The following IFT81 variants were observed in gnomAD, a reference collection of about 807,000 sequenced individuals.
The protein encoded by IFT81 is intraflagellar transport protein 81 homolog.
In IFT81, 72 loss-of-function variants were observed where a neutral mutation model predicts 102.6. The observed-to-expected ratio is 0.70, with a 90% CI of 0.58 to 0.85. The LOEUF (loss-of-function observed/expected upper bound fraction) is 0.85, where lower values mean the gene tolerates loss of function less well. Ranked by LOEUF, IFT81 falls within the 40% of genes least tolerant of loss-of-function variation. IFT81 has a pLI of 0.00. For synonymous variants in IFT81, 237 were observed against 242.7 expected (o/e 0.98, Z 0.22); for missense variants, 723 against 787.3 (o/e 0.92, Z 0.98).
intron 14 of IFT81, among the ~76,000 whole-genome samples, chr12:110,202,457 C>CTTTTTTTT (rs1472257322): frequency 6.9e-6 from 1 of 144,334 alleles, no homozygotes; most frequent in African/African-American, 2.5e-5. Flanking sequence ...GTGATTCCAC[C>CTTTTTTTT]TTTTTTTTTT....
intron 8 of IFT81, among the ~76,000 whole-genome samples, chr12:110,139,857 A>AAATAAAAT (rs1894770974): frequency 7.9e-6 from 1 of 127,096 alleles, no homozygotes; most frequent in African/African-American, 3.1e-5. Flanking sequence ...TAAATAAAAT[A>AAATAAAAT]AAATAAAATA....
intron 11 of IFT81, among the ~76,000 whole-genome samples, chr12:110,164,759 T>A (rs1249282959): frequency 6.6e-6 from 1 of 152,178 alleles, no homozygotes; most frequent in East Asian, 1.9e-4. Context: ...GTTTAAGACA[T>A]GGGAGTGTTT....
intron 10 of IFT81, among the ~76,000 whole-genome samples, chr12:110,160,075 C>T (rs935057700): frequency 9.2e-5 from 14 of 152,258 alleles, no homozygotes; most frequent in African/African-American, 2.4e-4. Flanking sequence ...CCTCCTCAAA[C>T]GGTTTCGAAA....
At chr12:110,209,339 C>A in intron 18 of IFT81, 123 bp downstream of exon 18, 1 of 426,210 alleles carries the variant, frequency 2.3e-6, no homozygotes, top group South Asian at 9.0e-5. Flanking sequence ...GGAAATTGTT[C>A]ATTCATTTTA....
intron 8 of IFT81, among the ~76,000 whole-genome samples, chr12:110,140,276 A>C (rs1403707954): frequency 6.6e-6 from 1 of 152,178 alleles, no homozygotes; most frequent in South Asian, 2.1e-4. Flanking sequence ...CTTTCCTCCC[A>C]TGCCCTAAAG....
At position 110,136,786 on chromosome 12, in the gene IFT81, C is replaced by T; in HGVS notation, c.707C>T (p.Ala236Val). The T allele has an allele frequency of 6.2e-7, 1 of 1,603,316 alleles. No homozygotes were observed. Residue 236 changes from alanine to valine, a missense_variant, in exon 8 of 19, where the codon GCA becomes GTA. Coordinates refer to ENST00000242591, the MANE Select transcript of IFT81 (RefSeq NM_014055.4). Reference sequence around the variant, plus strand: ...AATTGTATTTTAAAGCTATTTCATGCAGTGCAAAGATTGCAAAGAGTACAA... The same window carrying T: ...AATTGTATTTTAAAGCTATTTCATGTAGTGCAAAGATTGCAAAGAGTACAA... ...KQEQKNQLFH[A>V]VQRLQRVQNQ...
intron 14 of IFT81, among the ~76,000 whole-genome samples, chr12:110,194,100 CT>C (rs1211220424): frequency 6.6e-6 from 1 of 152,156 alleles, no homozygotes; most frequent in Non-Finnish European, 1.5e-5. Context: ...AACTCACTCA[CT>C]ATCATGAAAA....
chr12:110,195,801 G>A (rs557884486), intron 14 of IFT81, among the ~76,000 whole-genome samples: 1 of 152,146 alleles, frequency 6.6e-6, no homozygotes, highest in Non-Finnish European at 1.5e-5. Context: ...ATGAGTTCTT[G>A]CATGTTCTAG....
intron 17 of IFT81, among the ~76,000 whole-genome samples, chr12:110,206,487 T>C (rs1868639415): frequency 6.6e-6 from 1 of 152,042 alleles, no homozygotes; most frequent in African/African-American, 2.4e-5. Flanking sequence ...CTAGATTGCA[T>C]TGAGATTTTG....
At chr12:110,156,127 C>T (rs1475674941) in intron 10 of IFT81, among the ~76,000 whole-genome samples, 4 of 152,122 alleles carry the variant, frequency 2.6e-5, no homozygotes, top group African/African-American at 7.2e-5. Context: ...ATGTGTTAAT[C>T]TCTTAAATTA....
intron 5 of IFT81, among the ~76,000 whole-genome samples, chr12:110,133,172 A>G (rs1426983725): frequency 1.3e-5 from 2 of 151,778 alleles, no homozygotes; most frequent in African/African-American, 2.4e-5. Context: ...GGATTTTGCC[A>G]TGTTGCCCGG....
chr12:110,216,096 A>G (rs1287287431), intron 18 of IFT81, among the ~76,000 whole-genome samples: 2 of 152,222 alleles, frequency 1.3e-5, no homozygotes, highest in African/African-American at 4.8e-5. Flanking sequence ...AAGTATTTCA[A>G]TATCTATTAT....
chr12:110,167,211 G>A (rs1896484712), intron 11 of IFT81, among the ~76,000 whole-genome samples: 1 of 151,942 alleles, frequency 6.6e-6, no homozygotes, highest in Non-Finnish European at 1.5e-5. Context: ...AGTAAAAGAC[G>A]AAGTTTCTGG....
rs146961941 is a variant in IFT81, at chr12:110,144,302, C to T, written c.945+757C>T. Among the ~76,000 whole-genome samples the T allele has an allele frequency of 9.1e-3, 1,372 of 151,098 alleles. 29 individuals carry two copies. Among genetic ancestry groups the T allele is most frequent in the African/African-American group, 0.032 (1,316 of 41,124 alleles). On this transcript the variant is annotated intron_variant, in intron 9 of 18. Coordinates refer to ENST00000242591, the MANE Select transcript of IFT81 (RefSeq NM_014055.4). Reference sequence around the variant, plus strand: ...CGTGATCTCGGCTCACTACAACCTCCGCTTCCCGAGTTCAAGCGATTCTCC... The same window carrying T: ...CGTGATCTCGGCTCACTACAACCTCTGCTTCCCGAGTTCAAGCGATTCTCC...
chr12:110,179,773 TACACACACACACAC>T (rs34207126), intron 11 of IFT81, among the ~76,000 whole-genome samples: 3 of 50,492 alleles, frequency 5.9e-5, no homozygotes, highest in Non-Finnish European at 1.2e-4. Context: ...TATATATATA[TACACACACACACAC>T]ACACACACAC....
rs1055804567 is a variant in IFT81 at position 110,214,017 on chromosome 12, C to T, written c.1849-4027C>T. Among the ~76,000 whole-genome samples the T allele has an allele frequency of 2.0e-5, 3 of 152,042 alleles. No homozygotes were observed. The East Asian group carries it at 5.8e-4, about 29-fold the overall frequency. ...CACCTGTGATTTGTGAATAAATGACCATTATATCAAAGAAAATAAATAAAA... is the reference window on the plus strand; with the variant it reads ...CACCTGTGATTTGTGAATAAATGACTATTATATCAAAGAAAATAAATAAAA... On this transcript the variant is annotated intron_variant, in intron 18 of 18. Transcript: ENST00000242591.
chr12:110,188,852 C>T (rs971610917), intron 12 of IFT81, among the ~76,000 whole-genome samples: 1 of 151,952 alleles, frequency 6.6e-6, no homozygotes, highest in Non-Finnish European at 1.5e-5. Flanking sequence ...TCGCTTGAAC[C>T]CGGGAGTCGG....
chr12:110,202,975 A>G (rs1273360903), intron 14 of IFT81, among the ~76,000 whole-genome samples: 1 of 152,128 alleles, frequency 6.6e-6, no homozygotes, highest in East Asian at 1.9e-4. Context: ...CCAGAAATAA[A>G]CCAGCATAGG....
At chr12:110,176,097 C>T (rs1445132847) in intron 11 of IFT81, among the ~76,000 whole-genome samples, 3 of 152,120 alleles carry the variant, frequency 2.0e-5, no homozygotes, top group Non-Finnish European at 4.4e-5. Context: ...GCCTGCTAGC[C>T]TATGTCTCTG....
Sources: allele counts gnomAD v4.1 joint callset (sites outside exome capture counted in the v4.1 genomes callset), GRCh38; gene constraint gnomAD v4.1.1; transcripts MANE v1.5; gene names NCBI Gene and HGNC (gene_info 2026-07-23, HGNC 2026-07-21).